Variants in TLE6 observed in about 807,000 individuals in gnomAD.
TLE6 encodes TLE family member 6, subcortical maternal complex member.
TLE6 carries 72 observed loss-of-function variants against 77.1 expected under a neutral mutation model. That is an observed-to-expected ratio of 0.93 (90% confidence interval 0.77 to 1.14). The LOEUF (loss-of-function observed/expected upper bound fraction) is 1.14, where lower values mean the gene tolerates loss of function less well. Ranked by LOEUF, TLE6 falls within the 50% of genes most tolerant of loss-of-function variation. The pLI, the probability that TLE6 is intolerant of heterozygous loss-of-function variation, is 0.00. For missense variants in TLE6, 843 were observed against 747.6 expected, an observed-to-expected ratio of 1.13 and a Z score of -1.49; for synonymous variants, 366 against 287.3, an observed-to-expected ratio of 1.27 and a Z score of -2.77.
At chr19:2,983,309 A>ATCCCCC (rs2088837105) in intron 5 of TLE6, among the ~76,000 whole-genome samples, 1 of 152,158 alleles carries the variant, frequency 6.6e-6, no homozygotes, top group South Asian at 2.1e-4. Flanking sequence ...GGGCGAGTGG[A>ATCCCCC]GCCTGGTAGA....
intron 11 of TLE6, among the ~76,000 whole-genome samples, chr19:2,988,540 G>A (rs1423889892): frequency 6.6e-6 from 1 of 152,126 alleles, no homozygotes; most frequent in Non-Finnish European, 1.5e-5. Flanking sequence ...GGAGGTTGCA[G>A]TGAGTTGAGA....
chr19:2,989,466 CAT>C lies in TLE6; in HGVS notation c.994-68_994-67del. The stretch of plus-strand genomic sequence containing the variant: ...TAAAGGATGAATAGGAGTTCGCTCT[CAT>C]GAGGCAAAGCAGTCCAGGCAGAATG... On this transcript the variant is annotated intron_variant, in intron 12 of 16. Coordinates refer to ENST00000246112, the MANE Select transcript of TLE6 (RefSeq NM_001143986.2). 1.3e-5 allele frequency: 21 copies of C among 1,574,244 alleles called. No individual in the cohort carries two copies. In the South Asian group the frequency reaches 2.4e-4, roughly 18 times the overall value.
rs1417852179 is a variant in TLE6, at chr19:2,987,096, G to A, written c.399G>A (p.Arg133=). 1.2e-6 allele frequency: 2 copies of A among 1,614,164 alleles called. No homozygotes were observed. Among genetic ancestry groups the A allele is most frequent in the Non-Finnish European group, 1.7e-6 (2 of 1,180,026 alleles). ...IMATRSSDWL[R]RPLGEDNQPE... ...CCACCAGGTCCTCCGACTGGCTCCG[G>A]CGGCCTTTGGGGGAGGACAATCAGC... is the stretch of plus-strand genomic sequence containing the variant. The change falls in exon 7 of 17, where the codon CGG becomes CGA. Residue 133 remains arginine, a synonymous_variant. Coordinates refer to ENST00000246112, the MANE Select transcript of TLE6 (RefSeq NM_001143986.2).
At chr19:2,990,894 C>T (rs772166882) in intron 13 of TLE6, among the ~76,000 whole-genome samples, 3 of 148,358 alleles carry the variant, frequency 2.0e-5, no homozygotes, top group East Asian at 4.1e-4. Context: ...CCAGCTACCC[C>T]GGAGGCTGAG....
At chr19:2,984,346 C>CA (rs973495944) in intron 5 of TLE6, 2 of 151,282 alleles carry the variant, frequency 1.3e-5, no homozygotes, top group Non-Finnish European at 1.5e-5. Flanking sequence ...GGAGTCCCCC[C>CA]CCCCCCGCGG....
At chr19:2,985,399 CTTT>C (rs1158204473) in intron 5 of TLE6, among the ~76,000 whole-genome samples, 6 of 89,984 alleles carry the variant, frequency 6.7e-5, no homozygotes, top group African/African-American at 2.5e-4. Context: ...TGCTTGAAGC[CTTT>C]TTTTTTTTTT....
chr19:2,979,964 C>CAAA (rs58993753), intron 2 of TLE6, 136 bp from the exon 3 acceptor site: 93,464 of 359,130 alleles, frequency 0.26, 9,393 homozygotes, highest in Non-Finnish European at 0.3. Flanking sequence ...ACTCGGTTTC[C>CAAA]AAAAAAAAAA....
chr19:2,978,995 C>T (rs113649301), intron 2 of TLE6, among the ~76,000 whole-genome samples: 127 of 152,210 alleles, frequency 8.3e-4, no homozygotes, highest in African/African-American at 2.8e-3. Context: ...ACACTCACCT[C>T]GGCTGGAATG....
intron 5 of TLE6, 76 bp downstream of exon 5, chr19:2,982,265 C>A (rs2088813359): frequency 1.3e-6 from 2 of 1,499,460 alleles, no homozygotes. Flanking sequence ...GGGCCGGGCA[C>A]AGTGGCTCAA....
At chr19:2,993,665 CA>C in intron 15 of TLE6, 83 bp downstream of exon 15, 1 of 1,476,202 alleles carries the variant, frequency 6.8e-7, no homozygotes, top group Non-Finnish European at 9.1e-7. Flanking sequence ...GCTCCCCACC[CA>C]ACCCTCTAGG....
chr19:2,994,778 T>G, intron 16 of TLE6, 122 bp from the exon 17 acceptor site: 1 of 574,492 alleles, frequency 1.7e-6, no homozygotes, highest in Non-Finnish European at 3.1e-6. Flanking sequence ...CACTCCAGCC[T>G]GGGCAACAGA....
Position 2,987,204 on chromosome 19 carries a change from C to T in TLE6, c.507C>T (p.Gly169=), listed in dbSNP as rs200709361. ...AGCAACTCTGGCGGATTTTTGCCGG[C>T]GTCCACGATGAGAAGGCAAAGCCCA... ...LTEQLWRIFA[G]VHDEKAKPRD... is the part of the protein sequence containing the mutation. The change falls in exon 7 of 17, where the codon GGC becomes GGT. Residue 169 remains glycine (G), a synonymous_variant. Coordinates refer to ENST00000246112, the MANE Select transcript of TLE6 (RefSeq NM_001143986.2). The T allele has an allele frequency of 6.8e-6, 11 of 1,614,088 alleles. No individual in the cohort carries two copies. Among genetic ancestry groups the T allele is most frequent in the South Asian group, 3.3e-5 (3 of 91,080 alleles).
Position 2,982,200 on chromosome 19 carries a change from A to G in TLE6, c.222+11A>G. On this transcript the variant is annotated intron_variant, in intron 5 of 16. Coordinates refer to ENST00000246112, the MANE Select transcript of TLE6 (RefSeq NM_001143986.2). ...GAACATCACAAGCAGGTGGGTGACC[A>G]GGAGCTCAGGGGTGCGGCTGTCCCT... is the stretch of plus-strand genomic sequence containing the variant. 3 of 1,551,300 alleles carry G rather than the reference A, an allele frequency of 1.9e-6. No individual in the cohort carries two copies. Among genetic ancestry groups the G allele is most frequent in the Non-Finnish European group, 1.7e-6 (2 of 1,146,902 alleles).
chr19:2,978,326 C>G, intron 2 of TLE6, 42 bp downstream of exon 2: 2 of 1,547,644 alleles, frequency 1.3e-6, no homozygotes, highest in African/African-American at 1.4e-5. Flanking sequence ...AAGGGAAACC[C>G]GGGCCCAATG....
chr19:2,989,434 A>AG, intron 12 of TLE6, 101 bp from the exon 13 acceptor site: 2 of 1,567,498 alleles, frequency 1.3e-6, no homozygotes, highest in Non-Finnish European at 1.7e-6. Context: ...CATAATAGCT[A>AG]GGAACCTAAA....
At chr19:2,979,668 C>T (rs888599788) in intron 2 of TLE6, among the ~76,000 whole-genome samples, 6 of 150,972 alleles carry the variant, frequency 4.0e-5, no homozygotes, top group Non-Finnish European at 5.9e-5. Context: ...AGGCCGGGCG[C>T]GGTGGTTCAT....
rs1334485166 is a variant in TLE6 at position 2,986,876 on chromosome 19, T to C, written c.270T>C (p.Gly90=). 8 of 1,551,580 alleles carry C rather than the reference T, an allele frequency of 5.2e-6. No homozygotes were observed. In the Admixed American group the frequency reaches 1.2e-4, roughly 23 times the overall value. ...TGGAGAGCTGCAGCCAACTCCAGGG[T>C]TTCCAGTCTGAGGAGGTGAGTTTCT... ...QIVESCSQLQ[G]FQSEEVSPAE... is the part of the protein sequence containing the mutation. Residue 90 remains glycine (G), a synonymous_variant, in exon 6 of 17, where the codon GGT becomes GGC. Transcript: ENST00000246112.
chr19:2,988,522 C>T (rs372332555), intron 11 of TLE6, among the ~76,000 whole-genome samples: 1 of 151,984 alleles, frequency 6.6e-6, no homozygotes, highest in African/African-American at 2.4e-5. Context: ...GGCGTGAACC[C>T]GGGAGGTGGA....
chr19:2,993,947 G>GAT (rs1014556906), intron 15 of TLE6, 72 bp from the exon 16 acceptor site: 5 of 996,094 alleles, frequency 5.0e-6, no homozygotes, highest in Admixed American at 4.5e-5. Context: ...AAAAAAGGTG[G>GAT]GTGGGGAGGA....
Sources: allele counts gnomAD v4.1 joint callset (sites outside exome capture counted in the v4.1 genomes callset), GRCh38; gene constraint gnomAD v4.1.1; transcripts MANE v1.5; gene names NCBI Gene and HGNC (gene_info 2026-07-23, HGNC 2026-07-21).